The following CD96 variants were observed in gnomAD, a reference collection of about 807,000 sequenced individuals.
The protein encoded by CD96 is T-cell surface protein tactile.
CD96 carries 70 observed loss-of-function variants against 71.3 expected under a neutral mutation model. That is an observed-to-expected ratio of 0.98 (90% CI 0.81 to 1.20). The LOEUF (loss-of-function observed/expected upper bound fraction) is 1.20. CD96 is among the 50% of genes most tolerant of loss of function. The probability of loss-of-function intolerance (pLI) is 0.00; values close to 1 mark genes in which losing one functional copy is unlikely to be tolerated. For synonymous variants in CD96, 248 were observed against 233.0 expected (o/e 1.06, Z -0.59); for missense variants, 742 against 677.5 (o/e 1.10, Z -1.06).
intron 3 of CD96, among the ~76,000 whole-genome samples, chr3:111,575,720 T>C (rs1225535253): frequency 6.6e-6 from 1 of 152,250 alleles, no homozygotes; most frequent in Non-Finnish European, 1.5e-5. Context: ...GTCTCTGTGC[T>C]TCCAAGATGG....
chr3:111,566,641 C>G (rs1424639398), intron 2 of CD96, among the ~76,000 whole-genome samples: 1 of 152,078 alleles, frequency 6.6e-6, no homozygotes, highest in African/African-American at 2.4e-5. Context: ...TCTTTTGATG[C>G]TATAGTTTAG....
Position 111,606,802 on chromosome 3 carries a change from T to G in CD96, c.1180+10T>G. On this transcript the variant is annotated intron_variant, in intron 8 of 13. Coordinates refer to ENST00000352690, the MANE Select transcript of CD96 (RefSeq NM_005816.5). ...AGTGTATCTCCTGCAAGTAAGAATG[T>G]TTTCACACTGAGCTATTGATTTAAC... The G allele has an allele frequency of 7.0e-7, 1 of 1,434,576 alleles. No homozygotes were observed. The highest frequency in any genetic ancestry group is 1.1e-5 in the South Asian group (1 of 87,576). The allele number at this position is 1,434,576 out of a possible 1,614,324, so 88.9% of individuals were successfully genotyped here.
At chr3:111,616,092 T>C (rs550146314) in intron 8 of CD96, among the ~76,000 whole-genome samples, 1 of 152,296 alleles carries the variant, frequency 6.6e-6, no homozygotes, top group East Asian at 1.9e-4. Context: ...TCCCCTTTTT[T>C]GGCTGTATTT....
In CD96 at chr3:111,620,635, A is replaced by G. The variant is rs575923176; in HGVS notation, c.1181-3119A>G. ...TTCAGCTGGAGACCAATAGGAGCGAAATAACTTTGTGCTCCCTGGGGAAAG... is the reference window on the plus strand; with the variant it reads ...TTCAGCTGGAGACCAATAGGAGCGAGATAACTTTGTGCTCCCTGGGGAAAG... On this transcript the variant is annotated intron_variant, in intron 8 of 13. Coordinates refer to ENST00000352690, the MANE Select transcript of CD96 (RefSeq NM_005816.5). Among the ~76,000 whole-genome samples the G allele has an allele frequency of 3.9e-5, 6 of 152,332 alleles. No individual in the cohort carries two copies. The East Asian group carries it at 1.2e-3, about 29-fold the overall frequency.
chr3:111,562,086 C>A (rs980474289), intron 2 of CD96, among the ~76,000 whole-genome samples: 9 of 152,356 alleles, frequency 5.9e-5, no homozygotes, highest in East Asian at 1.9e-4. Context: ...GTGCGCGCAC[C>A]CACTGGCCTG....
At chr3:111,599,211 G>T (rs984858587) in intron 6 of CD96, among the ~76,000 whole-genome samples, 1 of 151,916 alleles carries the variant, frequency 6.6e-6, no homozygotes, top group African/African-American at 2.4e-5. Flanking sequence ...CTCGTGATCC[G>T]CCCGCCTCAG....
intron 5 of CD96, among the ~76,000 whole-genome samples, chr3:111,589,911 A>G (rs1936898767): frequency 6.6e-6 from 1 of 152,240 alleles, no homozygotes; most frequent in Admixed American, 6.5e-5. Flanking sequence ...CACGAGCCTC[A>G]GCTAACTCAT....
intron 5 of CD96, chr3:111,595,307 C>T (rs1158223429): frequency 6.6e-6 from 1 of 152,116 alleles, no homozygotes; most frequent in Non-Finnish European, 1.5e-5. Flanking sequence ...TACAAGCAGG[C>T]AAGGCTCTGG....
chr3:111,629,370 T>C (rs1446058865), intron 10 of CD96, among the ~76,000 whole-genome samples: 1 of 151,934 alleles, frequency 6.6e-6, no homozygotes, highest in Admixed American at 6.6e-5. Flanking sequence ...AGTCTTAGTC[T>C]CTGACAAAGC....
chr3:111,545,278 G>T lies in CD96; in HGVS notation c.294G>T (p.Gly98=), dbSNP rs1320610924. Residue 98 remains glycine (G), a synonymous_variant, in exon 2 of 14, where the codon GGG becomes GGT. Coordinates refer to ENST00000352690, the MANE Select transcript of CD96 (RefSeq NM_005816.5). ...CTTTCACAGAAACTCCTGAGAATGGGTCAAAATGGACTCTGCACTTAAGGA... is the reference window on the plus strand; with the variant it reads ...CTTTCACAGAAACTCCTGAGAATGGTTCAAAATGGACTCTGCACTTAAGGA... ...LVTFTETPEN[G]SKWTLHLRNM... 1.2e-6 allele frequency: 2 copies of T among 1,614,024 alleles called. No individual in the cohort carries two copies. Among genetic ancestry groups the T allele is most frequent in the Admixed American group, 1.7e-5 (1 of 60,024 alleles).
At chr3:111,639,814 A>G (rs1354468756) in intron 12 of CD96, among the ~76,000 whole-genome samples, 1 of 152,186 alleles carries the variant, frequency 6.6e-6, no homozygotes, top group Non-Finnish European at 1.5e-5. Flanking sequence ...GACTCTATGC[A>G]GACAACCTCC....
intron 7 of CD96, among the ~76,000 whole-genome samples, chr3:111,604,692 A>C (rs1420652000): frequency 6.6e-6 from 1 of 152,246 alleles, no homozygotes; most frequent in Non-Finnish European, 1.5e-5. Context: ...TCAATGAAAA[A>C]TAAATGTTTC....
At chr3:111,548,725 G>A (rs772944975) in intron 2 of CD96, among the ~76,000 whole-genome samples, 1 of 152,154 alleles carries the variant, frequency 6.6e-6, no homozygotes, top group Non-Finnish European at 1.5e-5. Context: ...TGCGGTTGGA[G>A]AAGTCATGGT....
intron 12 of CD96, among the ~76,000 whole-genome samples, chr3:111,641,777 A>G (rs1939603395): frequency 6.6e-6 from 1 of 152,216 alleles, no homozygotes; most frequent in African/African-American, 2.4e-5. Flanking sequence ...AATTTAAGAA[A>G]ACTGAAATTA....
In CD96 at chr3:111,544,994, C is replaced by A. The variant is rs373135346; in HGVS notation, c.62-52C>A. The A allele has an allele frequency of 3.5e-5, 52 of 1,468,014 alleles. No homozygotes were observed. The African/African-American group carries it at 6.0e-4, about 17-fold the overall frequency. 90.9% of individuals were successfully genotyped at this position (1,468,014 alleles called of 1,614,324 possible). ...GAAGTGACTAGGGTTTTTAATTAAG[C>A]GTCATTCTATGTGAATTATTTAAAC... On this transcript the variant is annotated intron_variant, in intron 1 of 13. Transcript: ENST00000352690.
chr3:111,636,095 A>G (rs182027701), intron 10 of CD96, among the ~76,000 whole-genome samples: 62 of 152,332 alleles, frequency 4.1e-4, no homozygotes, highest in Middle Eastern at 3.4e-3. Context: ...TATATTGAAA[A>G]TAAGAACAGC....
chr3:111,593,508 G>T, intron 5 of CD96: 1 of 1,507,328 alleles, frequency 6.6e-7, no homozygotes. Flanking sequence ...TACAAGTCTA[G>T]AGTCAATGTT....
chr3:111,639,082 G>A (rs1939472202), intron 12 of CD96, among the ~76,000 whole-genome samples: 1 of 152,204 alleles, frequency 6.6e-6, no homozygotes, highest in South Asian at 2.1e-4. Context: ...AGCATGCAGA[G>A]TCTTCATTGT....
intron 12 of CD96, among the ~76,000 whole-genome samples, chr3:111,642,525 G>A (rs1001454135): frequency 2.6e-5 from 4 of 152,278 alleles, no homozygotes; most frequent in East Asian, 3.9e-4. Flanking sequence ...CAAGGGCTGA[G>A]CGCAGTGGCT....
Sources: allele counts gnomAD v4.1 joint callset (sites outside exome capture counted in the v4.1 genomes callset), GRCh38; gene constraint gnomAD v4.1.1; transcripts MANE v1.5; gene names NCBI Gene and HGNC (gene_info 2026-07-23, HGNC 2026-07-21).